ZNF850: variants seen among roughly 807,000 people sequenced by gnomAD.
ZNF850 encodes zinc finger protein 850.
A neutral mutation model predicts 11.9 loss-of-function variants in ZNF850; 2 were observed. That is an observed-to-expected ratio of 0.17 (90% CI 0.07 to 0.53). The LOEUF is 0.53. ZNF850 is among the 20% of genes least tolerant of loss of function. The pLI is 0.94. For synonymous variants in ZNF850, 381 were observed against 443.0 expected (o/e 0.86, Z 1.76); for missense variants, 1,014 against 1,316.4 (o/e 0.77, Z 3.55).
Position 36,747,796 on chromosome 19 carries a change from G to A in ZNF850, c.3244C>T (p.Arg1082Ter), listed in dbSNP as rs748367330. 25 of 1,540,048 alleles carry A rather than the reference G, an allele frequency of 1.6e-5. No homozygotes were observed. Among genetic ancestry groups the A allele is most frequent in the East Asian group, 2.4e-5 (1 of 41,696 alleles). ...GTTAGGTCATGAATTCTCTGATGTCGAGTAAGCTGTGTAAGCTGTTTAAAG... is the reference window on the plus strand; with the variant it reads ...GTTAGGTCATGAATTCTCTGATGTCAAGTAAGCTGTGTAAGCTGTTTAAAG... ...KAFKQLTQLT[R>*]HQRIHDLT Residue 1082 changes from arginine (R) to a stop codon, truncating the protein, a stop_gained, in exon 5 of 5, where the codon CGA (arginine) becomes TGA (stop). Coordinates refer to ENST00000591344, the MANE Select transcript of ZNF850 (RefSeq NM_001193552.2). LOFTEE classifies it high-confidence loss of function.
At position 36,748,224 on chromosome 19, in the gene ZNF850, C is replaced by G. The variant is rs1242096351; in HGVS notation, c.2816G>C (p.Gly939Ala). ...ECGKAFVRFS[G>A]LTKHHSIHTG... is the part of the protein sequence containing the mutation. ...GTGAATACTGTGATGTTTGGTGAGTCCTGAGAAACGGACAAAGGCTTTTCC... is the reference window on the plus strand; with the variant it reads ...GTGAATACTGTGATGTTTGGTGAGTGCTGAGAAACGGACAAAGGCTTTTCC... The change falls in exon 5 of 5, where the codon GGA becomes GCA. Residue 939 changes from glycine (G) to alanine (A), a missense_variant. Physicochemically the swap from Gly to Ala is moderately conservative, Grantham distance 60 (BLOSUM62 0). Around this residue, in one of 2 missense-constraint regions of ZNF850, gnomAD observed 179 missense variants for 294.4 expected, o/e 0.61. Coordinates refer to ENST00000591344, the MANE Select transcript of ZNF850 (RefSeq NM_001193552.2). The G allele has an allele frequency of 6.4e-7, 1 of 1,551,874 alleles. No individual in the cohort carries two copies. The highest frequency in any genetic ancestry group is 1.9e-5 in the Admixed American group (1 of 51,368).
intron 1 of ZNF850, among the ~76,000 whole-genome samples, chr19:36,770,649 T>A (rs564768244): frequency 7.5e-6 from 1 of 133,800 alleles, no homozygotes; most frequent in South Asian, 2.3e-4. Flanking sequence ...GAGGTTGCAG[T>A]GACTGGAGAT....
At chr19:36,761,161 C>CA (rs2040515536) in intron 4 of ZNF850, among the ~76,000 whole-genome samples, 1 of 151,826 alleles carries the variant, frequency 6.6e-6, no homozygotes, top group Non-Finnish European at 1.5e-5. Context: ...GATTCTTGGC[C>CA]AGGCGCAGTG....
rs148528896 is a variant in ZNF850 at position 36,745,333 on chromosome 19, G to A, written c.*2434C>T. ...CAATCCGAAGTGCATAGACGATGAGGTAAGATTTTTTTCATCAACTTTATT... is the reference window on the plus strand; with the variant it reads ...CAATCCGAAGTGCATAGACGATGAGATAAGATTTTTTTCATCAACTTTATT... On this transcript the variant is annotated 3_prime_UTR_variant, in exon 5 of 5. Transcript: ENST00000591344. The A allele has an allele frequency of 7.2e-5, 11 of 152,184 alleles. No individual in the cohort carries two copies. The highest frequency in any genetic ancestry group is 1.5e-4 in the Non-Finnish European group (10 of 68,008). The allele number at this position is 152,184 out of a possible 1,614,324, so 9.4% of individuals were successfully genotyped here.
chr19:36,767,451 G>C (rs560238460), intron 1 of ZNF850, among the ~76,000 whole-genome samples: 1 of 152,202 alleles, frequency 6.6e-6, no homozygotes, highest in South Asian at 2.1e-4. Flanking sequence ...CAGCTACTCG[G>C]GAGGCTGAGG....
At chr19:36,770,166 A>G (rs1227812) in intron 1 of ZNF850, among the ~76,000 whole-genome samples, 45,577 of 152,050 alleles carry the variant, frequency 0.3, 7,320 homozygotes, top group African/African-American at 0.42. Flanking sequence ...TCCAGGAACC[A>G]CCATGTGTTC....
chr19:36,755,542 G>A (rs2040480734), intron 4 of ZNF850, among the ~76,000 whole-genome samples: 1 of 151,988 alleles, frequency 6.6e-6, no homozygotes, highest in Admixed American at 6.6e-5. Flanking sequence ...TTGATGCTAA[G>A]TGATGACAAT....
At chr19:36,765,496 A>C (rs1188168585) in intron 1 of ZNF850, among the ~76,000 whole-genome samples, 1 of 152,124 alleles carries the variant, frequency 6.6e-6, no homozygotes, top group East Asian at 1.9e-4. Flanking sequence ...TATTTCCTCA[A>C]GTAAATGTTT....
chr19:36,761,044 AG>A (rs2145964569), intron 4 of ZNF850, among the ~76,000 whole-genome samples: 1 of 152,316 alleles, frequency 6.6e-6, no homozygotes, highest in South Asian at 2.1e-4. Context: ...AGTAGCTTGA[AG>A]ACAGAGGAAA....
chr19:36,750,248 C>G lies in ZNF850; in HGVS notation c.792G>C (p.Pro264=). ...TCCAATGTTGAATAAGATGTGCAGA[C>G]GGTCTAAAGGCCTTCACGGATTCCT... ...ECQESVKAFR[P]SAHLIQHWRI... Residue 264 remains proline, a synonymous_variant, in exon 5 of 5, where the codon CCG becomes CCC. Transcript: ENST00000591344. 1.3e-6 allele frequency: 2 copies of G among 1,537,708 alleles called. No individual in the cohort carries two copies. The highest frequency in any genetic ancestry group is 2.4e-5 in the South Asian group (2 of 84,060).
chr19:36,743,790 C>T lies in ZNF850; in HGVS notation c.*3977G>A, dbSNP rs922158919. The stretch of plus-strand genomic sequence containing the variant: ...AATACCTACTGAAATAAAGACACAC[C>T]AGGTACAAGAGAAAAACTCAATGTC... On this transcript the variant is annotated 3_prime_UTR_variant, in exon 5 of 5. Coordinates refer to ENST00000591344, the MANE Select transcript of ZNF850 (RefSeq NM_001193552.2). 1 of 152,060 alleles carries T rather than the reference C, an allele frequency of 6.6e-6. No individual in the cohort carries two copies. The highest frequency in any genetic ancestry group is 2.4e-5 in the African/African-American group (1 of 41,404). The allele number at this position is 152,060 out of a possible 1,614,324, so 9.4% of individuals were successfully genotyped here.
rs753917060 is a variant in ZNF850, at chr19:36,749,718, C to T, written c.1322G>A (p.Arg441Gln). ...ATAGGGTTTCTCACCAGTGTGAATT[C>T]GCTGATGTTGAATTAGTGTTGAGCC... ...TAGSTLIQHQ[R>Q]IHTGEKPYDC... The change falls in exon 5 of 5, where the codon CGA becomes CAA. Residue 441 changes from arginine (R) to glutamine (Q), a missense_variant. Physicochemically the swap from Arg to Gln is conservative, Grantham distance 43 (BLOSUM62 1). Transcript: ENST00000591344. The T allele has an allele frequency of 2.4e-4, 368 of 1,557,838 alleles. No individual in the cohort carries two copies. Among genetic ancestry groups the T allele is most frequent in the Non-Finnish European group, 3.0e-4 (351 of 1,153,942 alleles).
intron 4 of ZNF850, among the ~76,000 whole-genome samples, chr19:36,756,934 C>A (rs994753393): frequency 6.6e-6 from 1 of 152,086 alleles, no homozygotes; most frequent in Non-Finnish European, 1.5e-5. Flanking sequence ...TTTGTTAATG[C>A]CCATTTAGAT....
At chr19:36,763,629 G>A (rs1024346928) in intron 1 of ZNF850, among the ~76,000 whole-genome samples, 4 of 151,652 alleles carry the variant, frequency 2.6e-5, no homozygotes, top group Admixed American at 6.6e-5. Context: ...ATAGCACTTC[G>A]ATAATTAAAT....
In ZNF850 at chr19:36,749,104, G is replaced by A; in HGVS notation, c.1936C>T (p.Gln646Ter). The change falls in exon 5 of 5, where the codon CAA (glutamine) becomes TAA (stop). Residue 646 changes from glutamine (Q) to a stop codon, truncating the protein, a stop_gained. Transcript: ENST00000591344. LOFTEE classifies it low-confidence loss of function (END_TRUNC). ...QQIHTGEKPY[Q>*]CQECGKAFVS... The stretch of plus-strand genomic sequence containing the variant: ...AAGGCTTTCCCACATTCCTGACATT[G>A]ATAAGGTTTCTCACCAGTATGGATT... 3 of 1,601,764 alleles carry A rather than the reference G, an allele frequency of 1.9e-6. No individual in the cohort carries two copies. The highest frequency in any genetic ancestry group is 2.6e-6 in the Non-Finnish European group (3 of 1,175,790).
intron 4 of ZNF850, among the ~76,000 whole-genome samples, chr19:36,751,559 C>T (rs764019261): frequency 3.3e-5 from 5 of 151,432 alleles, no homozygotes; most frequent in Non-Finnish European, 7.4e-5. Flanking sequence ...ATGAGCCAGA[C>T]GTGTGGCCCA....
At chr19:36,767,402 CA>C (rs1244647760) in intron 1 of ZNF850, among the ~76,000 whole-genome samples, 1 of 151,650 alleles carries the variant, frequency 6.6e-6, no homozygotes, top group African/African-American at 2.4e-5. Flanking sequence ...AGTAAAAATA[CA>C]AAAATTAGCC....
At chr19:36,764,089 A>T (rs1336780084) in intron 1 of ZNF850, among the ~76,000 whole-genome samples, 1 of 152,090 alleles carries the variant, frequency 6.6e-6, no homozygotes, top group Admixed American at 6.6e-5. Flanking sequence ...CACTAAAAAT[A>T]CAAAAATTAG....
chr19:36,764,888 T>C (rs2040540571), intron 1 of ZNF850, among the ~76,000 whole-genome samples: 1 of 152,082 alleles, frequency 6.6e-6, no homozygotes, highest in Admixed American at 6.6e-5. Flanking sequence ...GGTTTCACTG[T>C]GTTGCTGAGG....
Sources: allele counts gnomAD v4.1 joint callset (sites outside exome capture counted in the v4.1 genomes callset), GRCh38; gene constraint gnomAD v4.1.1; regional missense constraint gnomAD v4.1.1; transcripts MANE v1.5; gene names NCBI Gene and HGNC (gene_info 2026-07-23, HGNC 2026-07-21).